The following NLRP13 variants were observed in gnomAD, a reference collection of about 807,000 sequenced individuals.
NLRP13 encodes NLR family pyrin domain containing 13.
NLRP13 carries 82 observed loss-of-function variants against 94.4 expected under a neutral mutation model. The observed-to-expected ratio is 0.87, with a 90% CI of 0.73 to 1.04. The LOEUF (loss-of-function observed/expected upper bound fraction) is 1.04, where lower values mean the gene tolerates loss of function less well. Ranked by LOEUF, NLRP13 falls within the 50% of genes least tolerant of loss-of-function variation. The pLI, the probability that NLRP13 is intolerant of heterozygous loss-of-function variation, is 0.00. For synonymous variants in NLRP13, 553 were observed against 464.7 expected, an observed-to-expected ratio of 1.19 and a Z score of -2.45; for missense variants, 1,426 against 1,230.8, an observed-to-expected ratio of 1.16 and a Z score of -2.37.
chr19:55,912,405 A>C lies in NLRP13; in HGVS notation c.1412T>G (p.Leu471Trp). Residue 471 changes from leucine to tryptophan, a missense_variant, in exon 5 of 11, where the codon TTG becomes TGG. By Grantham distance (61) the Leu-to-Trp change is moderately conservative (BLOSUM62 -2). Transcript: ENST00000342929. ...TTGTCCTGGCCAGCTGTCATCTGCC[A>C]AATCTACCTCTGCTGTGGAGAACAA... ...SNLFSTAEVDLADDSWPGQWR... is the reference protein window; with the variant it reads ...SNLFSTAEVDWADDSWPGQWR... The C allele has an allele frequency of 3.7e-6, 6 of 1,614,174 alleles. No individual in the cohort carries two copies. Among genetic ancestry groups the C allele is most frequent in the Non-Finnish European group, 5.1e-6 (6 of 1,180,034 alleles).
chr19:55,902,241 G>A (rs564887233), intron 8 of NLRP13, 36 bp from the exon 9 acceptor site: 6 of 1,602,716 alleles, frequency 3.7e-6, no homozygotes, highest in South Asian at 1.1e-5. Flanking sequence ...GACACTCAGG[G>A]AAGCAGCCCA....
At chr19:55,895,544 G>A (rs998675532), downstream of NLRP13, among the ~76,000 whole-genome samples, 3 of 152,068 alleles carry the variant, frequency 2.0e-5, no homozygotes, top group Non-Finnish European at 2.9e-5. Context: ...TTAGCTGGGC[G>A]TGGTGGTGGG....
intron 4 of NLRP13, among the ~76,000 whole-genome samples, chr19:55,922,201 C>T (rs1986847201): frequency 6.6e-6 from 1 of 152,086 alleles, no homozygotes; most frequent in South Asian, 2.1e-4. Context: ...CCCACCAGGT[C>T]CCTCCCATGA....
At chr19:55,916,778 A>C (rs1027999566) in intron 4 of NLRP13, among the ~76,000 whole-genome samples, 1 of 152,174 alleles carries the variant, frequency 6.6e-6, no homozygotes, top group Non-Finnish European at 1.5e-5. Flanking sequence ...AAGAGCAAAA[A>C]GTTTTAAAAA....
chr19:55,902,487 G>A (rs534250717), intron 8 of NLRP13, among the ~76,000 whole-genome samples: 1 of 152,238 alleles, frequency 6.6e-6, no homozygotes, highest in Admixed American at 6.5e-5. Context: ...AAGGCTCCAA[G>A]GCTCTGGAGC....
At chr19:55,929,473 C>T (rs1488428461) in intron 1 of NLRP13, among the ~76,000 whole-genome samples, 1 of 152,118 alleles carries the variant, frequency 6.6e-6, no homozygotes, top group Non-Finnish European at 1.5e-5. Flanking sequence ...ATGTCCTTCG[C>T]AGGGACATAG....
At chr19:55,900,381 A>G (rs1178008350) in intron 9 of NLRP13, among the ~76,000 whole-genome samples, 1 of 152,196 alleles carries the variant, frequency 6.6e-6, no homozygotes, top group African/African-American at 2.4e-5. Context: ...TTGTGTTTAC[A>G]AAGGAAGAGG....
chr19:55,898,467 C>G (rs1986076060), intron 10 of NLRP13, among the ~76,000 whole-genome samples: 2 of 152,150 alleles, frequency 1.3e-5, no homozygotes, highest in Non-Finnish European at 2.9e-5. Flanking sequence ...ACCTCGACCT[C>G]CCCAAATGCT....
rs756565563 is a variant in NLRP13, at chr19:55,898,780, G to T, written c.2947C>A (p.His983Asn). The change falls in exon 10 of 11, where the codon CAC becomes AAC. Residue 983 changes from histidine (H) to asparagine (N), a missense_variant. Transcript: ENST00000342929. ...CEALKPHRAL[H>N]TLGLAKCNLT... ...ACAGCATCAACTCACCCAAGTGTGT[G>T]CAATGCACGATGTGGTTTCAGAGCC... 5 of 1,607,602 alleles carry T rather than the reference G, an allele frequency of 3.1e-6. No individual in the cohort carries two copies. The East Asian group carries it at 1.1e-4, about 36-fold the overall frequency.
rs1568686375 is a variant in NLRP13 at position 55,898,923 on chromosome 19, GAAC to G, written c.2801_2803del (p.Cys934del). On this transcript the variant is annotated inframe_deletion, in exon 10 of 11. Transcript: ENST00000342929. ...CTCTCCACAGCCCTCTCTTGTGAAA[GAAC>G]AACCTGACAAACTGCAAAATAAAAA... is the stretch of plus-strand genomic sequence containing the variant. 6.2e-7 allele frequency: 1 copy of G among 1,605,402 alleles called. No individual in the cohort carries two copies. The highest frequency in any genetic ancestry group is 1.8e-5 in the Admixed American group (1 of 56,992).
rs1338071833 is a variant in NLRP13 at position 55,930,901 on chromosome 19, A to ATATATATTTTTTT, written c.319+1091_319+1092insAAAAAAATATATA. ...ATATATATATATATATATATATAAAATTTTAACCAGAAGCTTAAACAGCAT... is the reference window on the plus strand; with the variant it reads ...ATATATATATATATATATATATAAAATATATATTTTTTTTTTTAACCAGAAGCTTAAACAGCAT... On this transcript the variant is annotated intron_variant, in intron 1 of 10. Transcript: ENST00000342929. Among the ~76,000 whole-genome samples the ATATATATTTTTTT allele has an allele frequency of 2.4e-3, 231 of 98,274 alleles. 2 individuals carry two copies. Among genetic ancestry groups the ATATATATTTTTTT allele is most frequent in the Admixed American group, 4.2e-3 (44 of 10,556 alleles). The allele number at this position is 98,274 out of a possible 152,430, so 64.5% of individuals were successfully genotyped here.
intron 4 of NLRP13, among the ~76,000 whole-genome samples, chr19:55,920,522 TAGA>T (rs891925852): frequency 6.0e-4 from 91 of 151,228 alleles, no homozygotes; most frequent in African/African-American, 2.1e-3. Flanking sequence ...AAAGAAGACA[TAGA>T]AGTAGTCAAG....
In NLRP13 at chr19:55,907,833, A is replaced by G. The variant is rs760538006; in HGVS notation, c.2406T>C (p.Leu802=). 6.2e-7 allele frequency: 1 copy of G among 1,613,978 alleles called. No individual in the cohort carries two copies. The highest frequency in any genetic ancestry group is 8.5e-7 in the Non-Finnish European group (1 of 1,179,964). ...TGCAAGCTGAGTGTCTCAAAGCTTT[A>G]AGAATCAGGGGGACAGTCATTCCCA... ...NKLGMTVPLI[L]KALRHSACNL... is the part of the protein sequence containing the mutation. The change falls in exon 7 of 11, where the codon CTT becomes CTC. Residue 802 remains leucine, a synonymous_variant. Transcript: ENST00000342929.
At position 55,902,346 on chromosome 19, in the gene NLRP13, C is replaced by G. The variant is rs545133432; in HGVS notation, c.2619-141G>C. 1.9e-4 allele frequency: 123 copies of G among 657,526 alleles called. No homozygotes were observed. The African/African-American group carries it at 1.9e-3, about 10-fold the overall frequency. 40.7% of individuals were successfully genotyped at this position (657,526 alleles called of 1,614,324 possible). Reference sequence around the variant, plus strand: ...CAAGGTCTTTCTTTTTAGCTGGACACCGACCCAGGCTATGGCAGTATCTTG... The same window carrying G: ...CAAGGTCTTTCTTTTTAGCTGGACAGCGACCCAGGCTATGGCAGTATCTTG... On this transcript the variant is annotated intron_variant, in intron 8 of 10. Transcript: ENST00000342929.
chr19:55,926,536 C>A (rs1248089803), intron 1 of NLRP13, among the ~76,000 whole-genome samples: 2 of 152,170 alleles, frequency 1.3e-5, no homozygotes, highest in Non-Finnish European at 2.9e-5. Flanking sequence ...AACCAGCCTA[C>A]CCTTCCTACA....
intron 9 of NLRP13, among the ~76,000 whole-genome samples, chr19:55,900,507 C>T (rs1486825373): frequency 1.3e-5 from 2 of 152,196 alleles, no homozygotes; most frequent in African/African-American, 2.4e-5. Flanking sequence ...CGCGGTGGCT[C>T]ACGCCTGTAA....
chr19:55,931,251 G>A (rs929309636), intron 1 of NLRP13, among the ~76,000 whole-genome samples: 1 of 152,122 alleles, frequency 6.6e-6, no homozygotes, highest in African/African-American at 2.4e-5. Context: ...ACATGGCTCT[G>A]CTCGGCTGAG....
intron 9 of NLRP13, among the ~76,000 whole-genome samples, chr19:55,899,359 A>C (rs1170820954): frequency 6.6e-6 from 1 of 152,198 alleles, no homozygotes; most frequent in Non-Finnish European, 1.5e-5. Flanking sequence ...AATAAGTTCA[A>C]AATAGTTAAT....
At chr19:55,915,490 C>A (rs572266614) in intron 4 of NLRP13, among the ~76,000 whole-genome samples, 1 of 151,960 alleles carries the variant, frequency 6.6e-6, no homozygotes, top group Non-Finnish European at 1.5e-5. Flanking sequence ...CCCAGCTACT[C>A]GGGAGGCTGA....
Sources: gnomAD v4.1 joint callset for allele counts (sites outside exome capture counted in the v4.1 genomes callset) on GRCh38, gnomAD v4.1.1 for gene constraint, MANE v1.5 for transcripts, NCBI Gene and HGNC (gene_info 2026-07-23, HGNC 2026-07-21) for gene names.